The following DMD variants were observed in gnomAD, a reference collection of about 807,000 sequenced individuals.
The protein encoded by DMD is mutant dystrophin.
DMD carries 63 observed loss-of-function variants against 330.1 expected under a neutral mutation model. The observed-to-expected ratio is 0.19, with a 90% CI of 0.16 to 0.24. DMD has a LOEUF of 0.24. DMD is among the 10% of genes least tolerant of loss of function. DMD has a pLI of 1.00. For synonymous variants in DMD, 1,223 were observed against 959.8 expected (o/e 1.27, Z -5.07); for missense variants, 3,344 against 2,684.1 (o/e 1.25, Z -5.43).
intron 44 of DMD, among the ~76,000 whole-genome samples, chrX:32,053,840 T>C (rs987366869): frequency 2.7e-5 from 3 of 111,318 alleles, no homozygotes. Flanking sequence ...GTTCTTTAAA[T>C]CTTGTCCATG....
At chrX:33,229,617 T>G (rs2052354631) in intron 1 of DMD, among the ~76,000 whole-genome samples, 1 of 112,087 alleles carries the variant, frequency 8.9e-6, no homozygotes, top group African/African-American at 3.2e-5. Context: ...TGCATTGAAC[T>G]ATGCGTCTAT....
chrX:32,896,151 A>C, intron 2 of DMD, among the ~76,000 whole-genome samples: 1 of 111,449 alleles, frequency 9.0e-6, no homozygotes, highest in East Asian at 2.8e-4. Flanking sequence ...TTTGCAATAA[A>C]GGGTTCAAAA....
At chrX:33,140,003 T>C (rs769280626) in intron 1 of DMD, among the ~76,000 whole-genome samples, 134 of 111,300 alleles carry the variant, frequency 1.2e-3, no homozygotes, top group African/African-American at 4.0e-3. Flanking sequence ...TAAGGGACAG[T>C]GGTTCTGTTT....
At chrX:33,025,766 C>T (rs2093984600) in intron 1 of DMD, among the ~76,000 whole-genome samples, 1 of 110,676 alleles carries the variant, frequency 9.0e-6, no homozygotes, top group Admixed American at 9.6e-5. Context: ...CCCATGTTGC[C>T]CAGGCTGGTC....
intron 63 of DMD, among the ~76,000 whole-genome samples, chrX:31,241,214 A>T (rs185297624): frequency 4.5e-5 from 5 of 111,712 alleles, no homozygotes; most frequent in Non-Finnish European, 9.4e-5. Context: ...CCTCTTCAAA[A>T]TGCCACTGTC....
At chrX:33,005,342 A>G (rs948009504) in intron 2 of DMD, among the ~76,000 whole-genome samples, 2 of 109,368 alleles carry the variant, frequency 1.8e-5, no homozygotes, top group Non-Finnish European at 1.9e-5. Context: ...ATTCTGTTTT[A>G]TATTAAATGT....
rs973312205 is a variant in DMD at position 31,666,681 on chromosome X, T to A, written c.7873-8537A>T. On this transcript the variant is annotated intron_variant, in intron 53 of 78. Transcript: ENST00000357033. ...GCCACATAAATGTTGAGGAAATGTT[T>A]AGAACAACAATATCCCTGTTTTTCT... Among the ~76,000 whole-genome samples, 7 of 112,085 alleles carry A rather than the reference T, an allele frequency of 6.2e-5. No individual in the cohort carries two copies. The East Asian group carries it at 1.7e-3, about 27-fold the overall frequency.
At chrX:33,314,570 G>GTT (rs1170142842) in intron 1 of DMD, among the ~76,000 whole-genome samples, 1,568 of 78,967 alleles carry the variant, frequency 0.02, 32 homozygotes, top group Non-Finnish European at 0.024. Flanking sequence ...TTTTTTTTTT[G>GTT]TTTTTTTTTT....
intron 9 of DMD, among the ~76,000 whole-genome samples, chrX:32,686,066 T>G (rs751348428): frequency 5.3e-4 from 59 of 111,767 alleles, no homozygotes; most frequent in Middle Eastern, 4.6e-3. Context: ...ATTTAACACA[T>G]GTATGACATA....
chrX:32,954,680 T>C (rs910511976), intron 2 of DMD, among the ~76,000 whole-genome samples: 7 of 111,143 alleles, frequency 6.3e-5, no homozygotes, highest in African/African-American at 2.3e-4. Flanking sequence ...TTTTTAATCC[T>C]CTCCCTCCTC....
At chrX:33,142,748 A>G (rs1158027367) in intron 1 of DMD, among the ~76,000 whole-genome samples, 1 of 112,647 alleles carries the variant, frequency 8.9e-6, no homozygotes, top group Admixed American at 9.4e-5. Context: ...GAGTTAATTT[A>G]ATGCATTTCA....
At chrX:31,260,573 A>G in intron 63 of DMD, among the ~76,000 whole-genome samples, 1 of 111,712 alleles carries the variant, frequency 9.0e-6, no homozygotes, top group Non-Finnish European at 1.9e-5. Context: ...TGGTTTGGCA[A>G]AAGGGTTGTC....
At chrX:32,842,961 C>A (rs1179618365) in intron 4 of DMD, among the ~76,000 whole-genome samples, 1 of 111,208 alleles carries the variant, frequency 9.0e-6, no homozygotes, top group African/African-American at 3.3e-5. Flanking sequence ...CATGCACCAG[C>A]ATACTCAGCT....
chrX:32,684,377 A>G (rs1379627935), intron 9 of DMD, among the ~76,000 whole-genome samples: 5 of 111,693 alleles, frequency 4.5e-5, no homozygotes, highest in Admixed American at 9.5e-5. Flanking sequence ...ATTTCATGAT[A>G]TTGCATTAAA....
At chrX:32,641,202 T>G (rs2059424159) in intron 11 of DMD, among the ~76,000 whole-genome samples, 1 of 110,718 alleles carries the variant, frequency 9.0e-6, no homozygotes, top group African/African-American at 3.3e-5. Flanking sequence ...ACATTACATT[T>G]TAATCTCTTC....
chrX:31,313,676 C>T (rs1049513036), intron 62 of DMD, among the ~76,000 whole-genome samples: 3 of 110,316 alleles, frequency 2.7e-5, no homozygotes, highest in Non-Finnish European at 5.7e-5. Flanking sequence ...CCACCCCTCA[C>T]CCAGCATTCT....
chrX:32,585,573 G>A (rs7884194), intron 13 of DMD, among the ~76,000 whole-genome samples: 264 of 106,607 alleles, frequency 2.5e-3, no homozygotes, highest in African/African-American at 8.5e-3. Context: ...GGTGGCAGGC[G>A]CCTGCAGTCC....
At chrX:31,490,551 T>C (rs749588280) in intron 57 of DMD, among the ~76,000 whole-genome samples, 4 of 109,597 alleles carry the variant, frequency 3.6e-5, no homozygotes, top group Non-Finnish European at 5.7e-5. Flanking sequence ...CGAGACTCCA[T>C]CTCAAAAAAA....
At chrX:32,973,184 A>C (rs186659580) in intron 2 of DMD, among the ~76,000 whole-genome samples, 77 of 112,095 alleles carry the variant, frequency 6.9e-4, no homozygotes, top group African/African-American at 2.5e-3. Context: ...ACTGATTCTG[A>C]TTTAGTGGCA....
Sources: gnomAD v4.1 joint callset for allele counts (sites outside exome capture counted in the v4.1 genomes callset) on GRCh38, gnomAD v4.1.1 for gene constraint, MANE v1.5 for transcripts, NCBI Gene and HGNC (gene_info 2026-07-23, HGNC 2026-07-21) for gene names.